SPATA16: variants seen among roughly 807,000 people sequenced by gnomAD.
The protein encoded by SPATA16 is spermatogenesis-associated protein 16.
Under a neutral mutation model 63.3 loss-of-function variants are expected in SPATA16, and 36 were observed. The ratio of observed to expected loss-of-function variants is 0.57; its 90% CI spans 0.44 to 0.75. The LOEUF is 0.75. Among genes scored for constraint, SPATA16 ranks in the 30% least tolerant of loss-of-function variants. The pLI is 0.00. For missense variants in SPATA16, 646 were observed against 679.3 expected (o/e 0.95, Z 0.54); for synonymous variants, 203 against 216.7 (o/e 0.94, Z 0.56).
intron 4 of SPATA16, among the ~76,000 whole-genome samples, chr3:172,991,443 G>A (rs1487176116): frequency 6.6e-6 from 1 of 152,070 alleles, no homozygotes; most frequent in East Asian, 1.9e-4. Flanking sequence ...TCCCCTAAGA[G>A]TCTACAGAAA....
At chr3:173,099,779 G>C (rs1194231471) in intron 2 of SPATA16, among the ~76,000 whole-genome samples, 1 of 152,166 alleles carries the variant, frequency 6.6e-6, no homozygotes, top group Non-Finnish European at 1.5e-5. Context: ...TGATTGACCC[G>C]AGAATCCCAC....
intron 10 of SPATA16, among the ~76,000 whole-genome samples, chr3:172,894,783 G>C (rs1251829191): frequency 6.6e-6 from 1 of 152,250 alleles, no homozygotes; most frequent in East Asian, 1.9e-4. Flanking sequence ...AGGCCCAAGG[G>C]AACTTGTTTG....
At chr3:172,918,154 A>G (rs1263443640) in intron 8 of SPATA16, among the ~76,000 whole-genome samples, 1 of 152,252 alleles carries the variant, frequency 6.6e-6, no homozygotes, top group East Asian at 1.9e-4. Flanking sequence ...TAGCTAAACA[A>G]TGGCATTCTG....
intron 2 of SPATA16, among the ~76,000 whole-genome samples, chr3:173,051,098 CAT>C (rs1736079213): frequency 6.6e-6 from 1 of 152,172 alleles, no homozygotes; most frequent in Non-Finnish European, 1.5e-5. Context: ...TTTTATATGA[CAT>C]GACTATAAAA....
At chr3:173,079,156 C>A (rs9829417) in intron 2 of SPATA16, among the ~76,000 whole-genome samples, 11,765 of 152,144 alleles carry the variant, frequency 0.077, 1,512 homozygotes, top group African/African-American at 0.27. Flanking sequence ...ATGTTATTGT[C>A]CAAAGACTGA....
chr3:172,977,409 A>C (rs1008116088), intron 4 of SPATA16, among the ~76,000 whole-genome samples: 2 of 152,150 alleles, frequency 1.3e-5, no homozygotes, highest in Non-Finnish European at 2.9e-5. Flanking sequence ...AGGAACTTTT[A>C]GCTCTTCAAA....
intron 6 of SPATA16, among the ~76,000 whole-genome samples, chr3:172,931,969 G>A (rs1018780387): frequency 2.0e-5 from 3 of 152,146 alleles, no homozygotes; most frequent in Non-Finnish European, 4.4e-5. Flanking sequence ...TTGGATTAAT[G>A]GGGAGAGTTT....
intron 6 of SPATA16, among the ~76,000 whole-genome samples, chr3:172,955,820 A>G (rs369737489): frequency 1.3e-5 from 2 of 152,244 alleles, no homozygotes; most frequent in African/African-American, 4.8e-5. Context: ...TTGTTCCTAA[A>G]TGGGAAGCAC....
intron 4 of SPATA16, among the ~76,000 whole-genome samples, chr3:173,007,988 G>C (rs1196085038): frequency 6.6e-6 from 1 of 152,064 alleles, no homozygotes; most frequent in Non-Finnish European, 1.5e-5. Context: ...ATATTCATAT[G>C]TACATTTAGC....
rs1737934478 is a variant in SPATA16 at position 173,117,425 on chromosome 3, G to A, written c.307C>T (p.Leu103Phe). The change falls in exon 2 of 11, where the codon CTT becomes TTT. Residue 103 changes from leucine to phenylalanine, a missense_variant. Coordinates refer to ENST00000351008, the MANE Select transcript of SPATA16 (RefSeq NM_031955.6). The part of the protein sequence containing the change: ...TRKKQAKITE[L>F]DNQLITMPLP... Reference sequence around the variant, plus strand: ...GGCATGGTGATTAACTGATTGTCAAGTTCTGTTATCTTTGCCTGTTTCTTT... The same window carrying A: ...GGCATGGTGATTAACTGATTGTCAAATTCTGTTATCTTTGCCTGTTTCTTT... 6.2e-7 allele frequency: 1 copy of A among 1,614,122 alleles called. No homozygotes were observed. The highest frequency in any genetic ancestry group is 8.5e-7 in the Non-Finnish European group (1 of 1,179,990).
chr3:172,994,085 A>T (rs1452328516), intron 4 of SPATA16, among the ~76,000 whole-genome samples: 1 of 152,126 alleles, frequency 6.6e-6, no homozygotes, highest in African/African-American at 2.4e-5. Flanking sequence ...GTCTGGAATA[A>T]GGAGCTCCCC....
intron 2 of SPATA16, among the ~76,000 whole-genome samples, chr3:173,089,146 A>G (rs1347193456): frequency 6.6e-6 from 1 of 152,206 alleles, no homozygotes; most frequent in African/African-American, 2.4e-5. Flanking sequence ...TAGGTTCTCC[A>G]GAGAAGATCA....
At chr3:172,991,268 C>T (rs567070683) in intron 4 of SPATA16, among the ~76,000 whole-genome samples, 2 of 152,172 alleles carry the variant, frequency 1.3e-5, no homozygotes, top group East Asian at 3.9e-4. Context: ...GTTAAATATA[C>T]CTGTTTAGTA....
chr3:173,008,441 C>T (rs1734991947), intron 4 of SPATA16, among the ~76,000 whole-genome samples: 1 of 152,052 alleles, frequency 6.6e-6, no homozygotes, highest in Admixed American at 6.6e-5. Flanking sequence ...TGTTGATTTT[C>T]CCTATTTTGG....
chr3:172,929,257 T>C (rs1302860775), intron 6 of SPATA16, among the ~76,000 whole-genome samples: 1 of 152,224 alleles, frequency 6.6e-6, no homozygotes, highest in Non-Finnish European at 1.5e-5. Context: ...TTTGCATGTG[T>C]GAACAGCTCC....
chr3:172,922,942 C>G (rs1358655272), intron 8 of SPATA16, among the ~76,000 whole-genome samples: 1 of 150,908 alleles, frequency 6.6e-6, no homozygotes, highest in Non-Finnish European at 1.5e-5. Flanking sequence ...AAACAAAAAA[C>G]AAACAAAAAA....
At chr3:173,125,162 C>T (rs146372807) in intron 1 of SPATA16, among the ~76,000 whole-genome samples, 1 of 152,186 alleles carries the variant, frequency 6.6e-6, no homozygotes, top group Middle Eastern at 3.2e-3. Flanking sequence ...CACATCCCCC[C>T]AGTTGGCCAA....
At chr3:173,111,647 G>A (rs1737752347) in intron 2 of SPATA16, among the ~76,000 whole-genome samples, 1 of 152,180 alleles carries the variant, frequency 6.6e-6, no homozygotes, top group South Asian at 2.1e-4. Flanking sequence ...TTGCTACAGA[G>A]TTATTCTCAG....
chr3:172,961,889 T>G (rs1733795190), intron 5 of SPATA16, among the ~76,000 whole-genome samples: 2 of 152,100 alleles, frequency 1.3e-5, no homozygotes, highest in Admixed American at 1.3e-4. Flanking sequence ...GACATTAACT[T>G]TCTTCAGGCC....
Sources: allele counts gnomAD v4.1 joint callset (sites outside exome capture counted in the v4.1 genomes callset), GRCh38; gene constraint gnomAD v4.1.1; transcripts MANE v1.5; gene names NCBI Gene and HGNC (gene_info 2026-07-23, HGNC 2026-07-21).